Variants in JARID2 observed in about 807,000 individuals in gnomAD.
The protein encoded by JARID2 is protein Jumonji.
JARID2 carries 21 observed loss-of-function variants against 125.6 expected under a neutral mutation model. The ratio of observed to expected loss-of-function variants is 0.17; its 90% CI spans 0.12 to 0.24. The LOEUF is 0.24. Among genes scored for constraint, JARID2 ranks in the 10% least tolerant of loss-of-function variants. The pLI, the probability that JARID2 is intolerant of heterozygous loss-of-function variation, is 1.00. For missense variants in JARID2, 1,303 were observed against 1,639.6 expected, an observed-to-expected ratio of 0.79 and a Z score of 3.55; for synonymous variants, 736 against 661.6, an observed-to-expected ratio of 1.11 and a Z score of -1.73.
intron 2 of JARID2, among the ~76,000 whole-genome samples, chr6:15,388,588 A>AAT (rs67600299): frequency 2.6e-4 from 39 of 147,300 alleles, no homozygotes; most frequent in South Asian, 8.4e-4. Context: ...TATATTATAA[A>AAT]ATATATATAT....
intron 2 of JARID2, among the ~76,000 whole-genome samples, chr6:15,408,725 C>T (rs1561842620): frequency 6.6e-6 from 1 of 152,122 alleles, no homozygotes; most frequent in East Asian, 1.9e-4. Context: ...AATTTATTTT[C>T]TTATCCACAC....
chr6:15,450,719 C>T (rs1296302136), intron 3 of JARID2, among the ~76,000 whole-genome samples: 1 of 152,114 alleles, frequency 6.6e-6, no homozygotes, highest in Non-Finnish European at 1.5e-5. Context: ...GAGTGGAGAC[C>T]TTTACGATTA....
intron 1 of JARID2, among the ~76,000 whole-genome samples, chr6:15,279,854 C>T (rs911232902): frequency 6.6e-6 from 1 of 152,198 alleles, no homozygotes; most frequent in Admixed American, 6.5e-5. Flanking sequence ...AAATCAGTCT[C>T]CTGGCACTTA....
At chr6:15,488,475 A>G (rs1399186900) in intron 6 of JARID2, among the ~76,000 whole-genome samples, 2 of 152,226 alleles carry the variant, frequency 1.3e-5, no homozygotes, top group East Asian at 3.8e-4. Flanking sequence ...TCTTCCCTAG[A>G]AGAGACTGGA....
chr6:15,250,259 A>G (rs1047286112), intron 1 of JARID2, among the ~76,000 whole-genome samples: 2 of 150,404 alleles, frequency 1.3e-5, no homozygotes, highest in Admixed American at 6.7e-5. Flanking sequence ...TATAATTACA[A>G]CTACGTAAAA....
chr6:15,285,366 C>A (rs1039691156), intron 1 of JARID2, among the ~76,000 whole-genome samples: 11 of 152,016 alleles, frequency 7.2e-5, no homozygotes, highest in African/African-American at 2.7e-4. Flanking sequence ...CTCAGGTGAT[C>A]CGCCTGCCTC....
rs972177544 is a variant in JARID2 at position 15,366,672 on chromosome 6, G to A, written c.46-7445G>A. Among the ~76,000 whole-genome samples, 22 of 152,136 alleles carry A rather than the reference G, an allele frequency of 1.4e-4. 1 individual carries two copies. Among genetic ancestry groups the A allele is most frequent in the Admixed American group, 3.9e-4 (6 of 15,284 alleles). On this transcript the variant is annotated intron_variant, in intron 1 of 17. Coordinates refer to ENST00000341776, the MANE Select transcript of JARID2 (RefSeq NM_004973.4). ...CCTATGGCCCCATCAATTCGAAGGC[G>A]ATTTCTGCATTTCAGTTGGTTTTAG...
Position 15,476,469 on chromosome 6 carries a change from A to G in JARID2, c.670+7751A>G, listed in dbSNP as rs76479519. 8.2e-4 allele frequency among the ~76,000 whole-genome samples: 125 copies of G among 152,362 alleles called. 1 individual carries two copies. In the East Asian group the frequency reaches 0.023, roughly 28 times the overall value. On this transcript the variant is annotated intron_variant, in intron 5 of 17. Transcript: ENST00000341776. The stretch of plus-strand genomic sequence containing the variant: ...TCCTCCGAGCAGGAGTCCTGATGCC[A>G]GTAGTTTCCTGCAAGAGCCTGCTGT...
At chr6:15,495,061 T>C (rs1172938495) in intron 6 of JARID2, among the ~76,000 whole-genome samples, 2 of 152,330 alleles carry the variant, frequency 1.3e-5, no homozygotes, top group South Asian at 2.1e-4. Flanking sequence ...CCTCATATCA[T>C]AGACGAAAAG....
chr6:15,392,539 T>G (rs1215535370), intron 2 of JARID2, among the ~76,000 whole-genome samples: 3 of 152,152 alleles, frequency 2.0e-5, no homozygotes, highest in African/African-American at 7.2e-5. Context: ...TTGGTCAGCA[T>G]GGTCAGCAGT....
chr6:15,475,781 C>G (rs895757394), intron 5 of JARID2, among the ~76,000 whole-genome samples: 1 of 152,194 alleles, frequency 6.6e-6, no homozygotes, highest in Admixed American at 6.5e-5. Flanking sequence ...CCTCACACCT[C>G]AGTTTTACTC....
At chr6:15,250,761 A>G (rs1759414743) in intron 1 of JARID2, among the ~76,000 whole-genome samples, 1 of 152,316 alleles carries the variant, frequency 6.6e-6, no homozygotes, top group Admixed American at 6.5e-5. Context: ...GGGTTAAACC[A>G]GTCCCTGTTG....
At chr6:15,463,304 G>A (rs934783539) in intron 4 of JARID2, among the ~76,000 whole-genome samples, 5 of 152,102 alleles carry the variant, frequency 3.3e-5, no homozygotes, top group Non-Finnish European at 7.3e-5. Context: ...ATATGATGTG[G>A]TGTTCCATGT....
intron 1 of JARID2, among the ~76,000 whole-genome samples, chr6:15,345,778 A>G (rs1296770779): frequency 6.6e-6 from 1 of 151,968 alleles, no homozygotes; most frequent in East Asian, 1.9e-4. Flanking sequence ...CATGGGCAAC[A>G]TTGTAGTTCA....
chr6:15,374,122 C>T lies in JARID2; in HGVS notation c.51C>T (p.Asp17=), dbSNP rs1030186036. The T allele has an allele frequency of 2.5e-6, 4 of 1,613,852 alleles. No homozygotes were observed. The highest frequency in any genetic ancestry group is 1.3e-5 in the African/African-American group (1 of 75,038). ...CTTTTCTTATGTTTCTTCAGGATGA[C>T]AGTGATGGGATTCCGTGGTCAGAAG... ...KRNIIQKKYD[D]SDGIPWSEER... is the part of the protein sequence containing the mutation. The change falls in exon 2 of 18, where the codon GAC becomes GAT. Residue 17 remains aspartate (D), a synonymous_variant. Coordinates refer to ENST00000341776, the MANE Select transcript of JARID2 (RefSeq NM_004973.4).
intron 2 of JARID2, among the ~76,000 whole-genome samples, chr6:15,395,924 A>G (rs1234509389): frequency 3.9e-5 from 6 of 152,070 alleles, no homozygotes; most frequent in Non-Finnish European, 5.9e-5. Context: ...TGGCCTCCCT[A>G]AGTGCTGGGA....
chr6:15,365,520 T>C (rs1763944078), intron 1 of JARID2, among the ~76,000 whole-genome samples: 1 of 152,174 alleles, frequency 6.6e-6, no homozygotes, highest in Non-Finnish European at 1.5e-5. Flanking sequence ...CAGCAGATTT[T>C]TATAAAGGCT....
chr6:15,475,514 T>C (rs1769296990), intron 5 of JARID2, among the ~76,000 whole-genome samples: 1 of 152,166 alleles, frequency 6.6e-6, no homozygotes, highest in Non-Finnish European at 1.5e-5. Context: ...CATAATCGCC[T>C]ACCACCTGTT....
At chr6:15,280,080 C>T (rs1394276814) in intron 1 of JARID2, among the ~76,000 whole-genome samples, 1 of 152,030 alleles carries the variant, frequency 6.6e-6, no homozygotes, top group Non-Finnish European at 1.5e-5. Context: ...GTATATTACC[C>T]ATTGTCTACT....
Sources: allele counts gnomAD v4.1 joint callset (sites outside exome capture counted in the v4.1 genomes callset), GRCh38; gene constraint gnomAD v4.1.1; transcripts MANE v1.5; gene names NCBI Gene and HGNC (gene_info 2026-07-23, HGNC 2026-07-21).